QKI: variants seen among roughly 807,000 people sequenced by gnomAD.
QKI encodes QKI, KH domain containing RNA binding.
A neutral mutation model predicts 39.0 loss-of-function variants in QKI; 10 were observed. That is an observed-to-expected ratio of 0.26 (90% CI 0.16 to 0.43). QKI has a LOEUF of 0.43. QKI is among the 20% of genes least tolerant of loss of function. The pLI is 1.00. For synonymous variants in QKI, 204 were observed against 155.4 expected, an observed-to-expected ratio of 1.31 and a Z score of -2.33; for missense variants, 218 against 428.0, an observed-to-expected ratio of 0.51 and a Z score of 4.33.
chr6:163,533,538 T>G (rs1781001570), intron 3 of QKI, among the ~76,000 whole-genome samples: 1 of 152,204 alleles, frequency 6.6e-6, no homozygotes, highest in African/African-American at 2.4e-5. Context: ...CCACCCTCTT[T>G]TCTTGTTCCA....
At chr6:163,562,189 T>C (rs1003904100) in intron 5 of QKI, 120 bp downstream of exon 5, 1 of 544,018 alleles carries the variant, frequency 1.8e-6, no homozygotes. Context: ...ATAACTGTTC[T>C]GTCACTTGAT....
intron 3 of QKI, among the ~76,000 whole-genome samples, chr6:163,498,350 A>G (rs973580595): frequency 6.6e-6 from 1 of 152,208 alleles, no homozygotes; most frequent in Non-Finnish European, 1.5e-5. Flanking sequence ...GCAACTTTAT[A>G]CAGAAAATTT....
chr6:163,513,509 G>T (rs1779612870), intron 3 of QKI, among the ~76,000 whole-genome samples: 1 of 152,062 alleles, frequency 6.6e-6, no homozygotes, highest in Non-Finnish European at 1.5e-5. Flanking sequence ...GTATCCCATG[G>T]TATACATTAA....
intron 1 of QKI, among the ~76,000 whole-genome samples, chr6:163,440,647 T>C (rs1423995715): frequency 6.6e-6 from 1 of 152,254 alleles, no homozygotes. Context: ...CTTTGTGTTA[T>C]GAAGTATGTT....
intron 1 of QKI, among the ~76,000 whole-genome samples, chr6:163,421,750 CTT>C (rs766565039): frequency 1.4e-5 from 2 of 143,890 alleles, no homozygotes; most frequent in African/African-American, 2.5e-5. Flanking sequence ...TTTCTTTTTT[CTT>C]TTTTTTTTTT....
intron 3 of QKI, among the ~76,000 whole-genome samples, chr6:163,513,414 G>A (rs1417796602): frequency 6.6e-6 from 1 of 152,132 alleles, no homozygotes; most frequent in Non-Finnish European, 1.5e-5. Context: ...AATTGACAGA[G>A]AACTTGCAGT....
At chr6:163,438,435 T>C (rs1789480378) in intron 1 of QKI, among the ~76,000 whole-genome samples, 1 of 152,240 alleles carries the variant, frequency 6.6e-6, no homozygotes, top group South Asian at 2.1e-4. Context: ...ATCATTATGC[T>C]ATTTCCTTTT....
At chr6:163,565,962 G>A (rs1341896238) in intron 6 of QKI, 4 of 1,612,960 alleles carry the variant, frequency 2.5e-6, no homozygotes, top group African/African-American at 2.7e-5. Flanking sequence ...CTTTCCCAAC[G>A]AAAGGCTAAG....
At chr6:163,500,999 A>C (rs961525784) in intron 3 of QKI, among the ~76,000 whole-genome samples, 1 of 152,192 alleles carries the variant, frequency 6.6e-6, no homozygotes, top group Non-Finnish European at 1.5e-5. Flanking sequence ...CCACAAAATA[A>C]GATGAAAATA....
chr6:163,457,374 C>T, intron 2 of QKI: 1 of 456,008 alleles, frequency 2.2e-6, no homozygotes, highest in East Asian at 7.0e-5. Flanking sequence ...TTTCCTTCCT[C>T]CTCCAGTTGT....
At chr6:163,467,338 T>C (rs1211089177) in intron 2 of QKI, among the ~76,000 whole-genome samples, 3 of 152,204 alleles carry the variant, frequency 2.0e-5, no homozygotes, top group African/African-American at 4.8e-5. Context: ...GTCACTAAAT[T>C]GTAAGTTGTA....
chr6:163,442,783 T>C (rs796633695), intron 1 of QKI, among the ~76,000 whole-genome samples: 1 of 152,124 alleles, frequency 6.6e-6, no homozygotes, highest in South Asian at 2.1e-4. Flanking sequence ...TAGGATTTCA[T>C]TGTGGAGGGT....
chr6:163,564,884 T>C, intron 6 of QKI: 15 of 1,379,436 alleles, frequency 1.1e-5, no homozygotes, highest in Non-Finnish European at 1.4e-5. Context: ...AGGACTTTGA[T>C]CTTTTAAGGT....
At chr6:163,538,418 G>A (rs1428138497) in intron 4 of QKI, among the ~76,000 whole-genome samples, 5 of 152,244 alleles carry the variant, frequency 3.3e-5, no homozygotes, top group South Asian at 2.1e-4. Flanking sequence ...AAACCTTAGC[G>A]AAAAGTGCGG....
intron 3 of QKI, among the ~76,000 whole-genome samples, chr6:163,485,175 A>G (rs1327503685): frequency 6.6e-6 from 1 of 152,224 alleles, no homozygotes; most frequent in Admixed American, 6.5e-5. Flanking sequence ...GCAGATTACA[A>G]ATGCTAGAGG....
chr6:163,438,775 A>G (rs1789505077), intron 1 of QKI, among the ~76,000 whole-genome samples: 1 of 152,166 alleles, frequency 6.6e-6, no homozygotes, highest in Non-Finnish European at 1.5e-5. Flanking sequence ...GTCCTAGGAT[A>G]CTACTGTGGA....
chr6:163,439,769 C>T (rs919426433), intron 1 of QKI, among the ~76,000 whole-genome samples: 5 of 151,066 alleles, frequency 3.3e-5, no homozygotes, highest in Admixed American at 6.6e-5. Flanking sequence ...CATGTCTCAG[C>T]CTCCCGAGTA....
chr6:163,565,892 A>G (rs1368701748), intron 6 of QKI: 1 of 1,610,700 alleles, frequency 6.2e-7, no homozygotes, highest in Non-Finnish European at 8.5e-7. Context: ...GATTGGTATT[A>G]GCATCAAGTC....
intron 3 of QKI, among the ~76,000 whole-genome samples, chr6:163,522,195 G>C (rs980401012): frequency 6.6e-6 from 1 of 152,084 alleles, no homozygotes; most frequent in African/African-American, 2.4e-5. Flanking sequence ...ACCCTCATAT[G>C]TGCTTTTATA....
Sources: gnomAD v4.1 joint callset for allele counts (sites outside exome capture counted in the v4.1 genomes callset) on GRCh38, gnomAD v4.1.1 for gene constraint, MANE v1.5 for transcripts, NCBI Gene and HGNC (gene_info 2026-07-23, HGNC 2026-07-21) for gene names.